The following KIAA0825 variants were observed in gnomAD, a reference collection of about 807,000 sequenced individuals.
KIAA0825 encodes the protein KIAA0825.
A neutral mutation model predicts 147.6 loss-of-function variants in KIAA0825; 119 were observed. The observed-to-expected ratio is 0.81, with a 90% CI of 0.69 to 0.94. The LOEUF (loss-of-function observed/expected upper bound fraction) is 0.94. Ranked by LOEUF, KIAA0825 falls within the 40% of genes least tolerant of loss-of-function variation. The pLI is 0.00. For missense variants in KIAA0825, 1,381 were observed against 1,472.7 expected (o/e 0.94, Z 1.02); for synonymous variants, 470 against 518.1 (o/e 0.91, Z 1.26).
rs527366887 is a variant in KIAA0825 at position 94,464,880 on chromosome 5, A to G, written c.2052T>C (p.Thr684=). 1 of 1,550,548 alleles carries G rather than the reference A, an allele frequency of 6.4e-7. No homozygotes were observed. The highest frequency in any genetic ancestry group is 2.4e-5 in the East Asian group (1 of 40,916). ...AGAACTTCAATTACCTTAACTGTGG[A>G]GTTCTTTTACGGCTGGGGTGGGCCC... ...YARAHPSRKR[T]PQLRLDVTTI... is the part of the protein sequence containing the mutation. The change falls in exon 11 of 21, where the codon ACT becomes ACC. Residue 684 remains threonine, a synonymous_variant. Coordinates refer to ENST00000682413, the MANE Select transcript of KIAA0825 (RefSeq NM_001145678.3).
At chr5:94,550,804 T>C (rs1398148881) in intron 2 of KIAA0825, among the ~76,000 whole-genome samples, 1 of 146,336 alleles carries the variant, frequency 6.8e-6, no homozygotes, top group African/African-American at 2.5e-5. Context: ...ATCGCACCAC[T>C]GCACTCCAGC....
At chr5:94,536,787 T>C (rs1044592356) in intron 3 of KIAA0825, among the ~76,000 whole-genome samples, 4 of 152,182 alleles carry the variant, frequency 2.6e-5, no homozygotes, top group Non-Finnish European at 5.9e-5. Flanking sequence ...TTCAAGATAG[T>C]GCTTCTATTT....
chr5:94,160,595 A>G (rs1316868885), intron 20 of KIAA0825, among the ~76,000 whole-genome samples: 17 of 148,208 alleles, frequency 1.1e-4, no homozygotes, highest in Non-Finnish European at 1.0e-4. Context: ...TATATACTGT[A>G]TGTATGTATA....
intron 17 of KIAA0825, among the ~76,000 whole-genome samples, chr5:94,392,244 CTT>C (rs2150564238): frequency 6.6e-6 from 1 of 152,226 alleles, no homozygotes; most frequent in Non-Finnish European, 1.5e-5. Context: ...TTAAATTGGC[CTT>C]TGACACTTGT....
chr5:94,553,320 A>C (rs1157515761), intron 2 of KIAA0825, among the ~76,000 whole-genome samples: 1 of 151,702 alleles, frequency 6.6e-6, no homozygotes, highest in Non-Finnish European at 1.5e-5. Flanking sequence ...GGCGCTTGTA[A>C]TCCCAGCTAC....
At chr5:94,315,459 T>C (rs1779565428) in intron 20 of KIAA0825, among the ~76,000 whole-genome samples, 1 of 151,614 alleles carries the variant, frequency 6.6e-6, no homozygotes, top group Non-Finnish European at 1.5e-5. Flanking sequence ...GCTATAGCAG[T>C]TGGTAAATCT....
intron 5 of KIAA0825, among the ~76,000 whole-genome samples, chr5:94,487,066 TAA>T (rs1763141137): frequency 6.6e-6 from 1 of 152,170 alleles, no homozygotes; most frequent in African/African-American, 2.4e-5. Flanking sequence ...CAAAATTATA[TAA>T]GAGTGCTTGC....
chr5:94,271,330 A>T (rs551666548), intron 20 of KIAA0825, among the ~76,000 whole-genome samples: 1 of 152,310 alleles, frequency 6.6e-6, no homozygotes, highest in African/African-American at 2.4e-5. Flanking sequence ...TGAAGAGACA[A>T]CCCACAGAAT....
intron 20 of KIAA0825, among the ~76,000 whole-genome samples, chr5:94,265,073 G>T (rs1176917063): frequency 6.6e-6 from 1 of 152,082 alleles, no homozygotes; most frequent in African/African-American, 2.4e-5. Context: ...ATGAGCCACT[G>T]TGCCCGGTCC....
At chr5:94,227,585 G>A (rs1169630946) in intron 20 of KIAA0825, among the ~76,000 whole-genome samples, 1 of 150,244 alleles carries the variant, frequency 6.7e-6, no homozygotes, top group Non-Finnish European at 1.5e-5. Flanking sequence ...TGTACAGTCA[G>A]GAAAATTAAA....
At chr5:94,600,430 T>G (rs978402166) in intron 1 of KIAA0825, among the ~76,000 whole-genome samples, 6 of 151,766 alleles carry the variant, frequency 4.0e-5, no homozygotes, top group African/African-American at 1.5e-4. Flanking sequence ...TATATTTCCT[T>G]ATATATTTCC....
At chr5:94,435,968 G>T (rs1756318529) in intron 14 of KIAA0825, among the ~76,000 whole-genome samples, 1 of 151,844 alleles carries the variant, frequency 6.6e-6, no homozygotes, top group South Asian at 2.1e-4. Context: ...TTGTTAATCT[G>T]GTTAGTTGTT....
At chr5:94,445,350 T>G (rs897584211) in intron 13 of KIAA0825, among the ~76,000 whole-genome samples, 11 of 152,180 alleles carry the variant, frequency 7.2e-5, no homozygotes, top group Non-Finnish European at 1.2e-4. Flanking sequence ...AGTTTAGTAT[T>G]TATGTGATGA....
intron 1 of KIAA0825, among the ~76,000 whole-genome samples, chr5:94,595,391 G>A (rs959112347): frequency 6.6e-6 from 1 of 152,214 alleles, no homozygotes; most frequent in African/African-American, 2.4e-5. Flanking sequence ...CTGAAGCAAC[G>A]GCCTGAGCTG....
chr5:94,397,085 TA>T (rs1750759970), intron 16 of KIAA0825, among the ~76,000 whole-genome samples: 2 of 152,116 alleles, frequency 1.3e-5, no homozygotes, highest in South Asian at 4.1e-4. Context: ...TTGCCTTTAT[TA>T]TAGCACTCCC....
At chr5:94,529,258 A>ATATCATATATATGTATG (rs1561268040) in intron 3 of KIAA0825, among the ~76,000 whole-genome samples, 7 of 134,822 alleles carry the variant, frequency 5.2e-5, no homozygotes, top group Middle Eastern at 3.9e-3. Context: ...ATATATGTAT[A>ATATCATATATATGTATG]TATCATATAT....
chr5:94,553,177 G>GC (rs1775859250), intron 2 of KIAA0825, among the ~76,000 whole-genome samples: 1 of 152,138 alleles, frequency 6.6e-6, no homozygotes, highest in Admixed American at 6.5e-5. Flanking sequence ...AGTGACTCAC[G>GC]CCTGTAATCC....
chr5:94,354,842 A>T (rs1380960679), intron 20 of KIAA0825, among the ~76,000 whole-genome samples: 4 of 152,232 alleles, frequency 2.6e-5, no homozygotes, highest in Non-Finnish European at 4.4e-5. Flanking sequence ...GAAGAGATTT[A>T]TTCTGAGCCA....
At chr5:94,536,526 G>A (rs1040530611) in intron 3 of KIAA0825, among the ~76,000 whole-genome samples, 80 of 152,256 alleles carry the variant, frequency 5.3e-4, no homozygotes, top group African/African-American at 1.7e-3. Flanking sequence ...TTGGTAACAC[G>A]ACTTTTTGGG....
Sources: allele counts gnomAD v4.1 joint callset (sites outside exome capture counted in the v4.1 genomes callset), GRCh38; gene constraint gnomAD v4.1.1; transcripts MANE v1.5; gene names NCBI Gene and HGNC (gene_info 2026-07-23, HGNC 2026-07-21).